The following PATL2 variants were observed in gnomAD, a reference collection of about 807,000 sequenced individuals.
PATL2 encodes PAT1 homolog 2.
A neutral mutation model predicts 77.0 loss-of-function variants in PATL2; 73 were observed. The ratio of observed to expected loss-of-function variants is 0.95; its 90% confidence interval spans 0.78 to 1.15. The LOEUF is 1.15. Among genes scored for constraint, PATL2 ranks in the 50% most tolerant of loss-of-function variants. The probability of loss-of-function intolerance (pLI) is 0.00; values close to 1 mark genes in which losing one functional copy is unlikely to be tolerated. For synonymous variants in PATL2, 265 were observed against 257.1 expected (o/e 1.03, Z -0.29); for missense variants, 618 against 655.4 (o/e 0.94, Z 0.62).
At chr15:44,691,391 C>T (rs1270152951) in intron 3 of PATL2, among the ~76,000 whole-genome samples, 2 of 152,176 alleles carry the variant, frequency 1.3e-5, no homozygotes, top group African/African-American at 4.8e-5. Flanking sequence ...GGCATGGTGG[C>T]TCATGCCTGT....
chr15:44,695,784 G>A (rs1595985215), intron 3 of PATL2, among the ~76,000 whole-genome samples: 1 of 152,202 alleles, frequency 6.6e-6, no homozygotes, highest in South Asian at 2.1e-4. Context: ...TGATGGATCT[G>A]TGGACACATC....
chr15:44,686,701 A>C (rs962045997), intron 3 of PATL2, among the ~76,000 whole-genome samples: 1 of 152,180 alleles, frequency 6.6e-6, no homozygotes, highest in Non-Finnish European at 1.5e-5. Context: ...AAATAGACAC[A>C]ATAAAAAATG....
intron 4 of PATL2, chr15:44,676,274 G>A (rs1339981553): frequency 1.7e-6 from 1 of 599,250 alleles, no homozygotes; most frequent in Non-Finnish European, 3.0e-6. Context: ...CTGGGTTGTT[G>A]TTGATAATTT....
At chr15:44,689,713 G>T (rs574647457) in intron 3 of PATL2, among the ~76,000 whole-genome samples, 2 of 152,204 alleles carry the variant, frequency 1.3e-5, no homozygotes, top group South Asian at 4.1e-4. Context: ...GCCTGTTGTG[G>T]GGTGGGGGAC....
In PATL2 at chr15:44,676,549, G is replaced by A; in HGVS notation, c.-59C>T. The stretch of plus-strand genomic sequence containing the variant: ...GTCCTCCAGTGAAACAGCATTGCCA[G>A]CCTCTGGAAGGTAAACCTGAGACAA... On this transcript the variant is annotated 5_prime_UTR_variant, in exon 4 of 18. Transcript: ENST00000682850. 6.4e-7 allele frequency: 1 copy of A among 1,550,756 alleles called. No homozygotes were observed. The highest frequency in any genetic ancestry group is 1.2e-5 in the South Asian group (1 of 84,038).
intron 3 of PATL2, 35 bp from the exon 4 acceptor site, chr15:44,676,600 C>A: frequency 6.7e-7 from 1 of 1,497,696 alleles, no homozygotes; most frequent in Non-Finnish European, 9.1e-7. Flanking sequence ...GCACCATCCT[C>A]AGTCAGTAAG....
Position 44,669,290 on chromosome 15 carries a change from TC to T in PATL2, c.1053del (p.Asn352ThrfsTer16), listed in dbSNP as rs1463242948. The T allele has an allele frequency of 6.5e-7, 1 of 1,550,208 alleles. No individual in the cohort carries two copies. The highest frequency in any genetic ancestry group is 1.4e-5 in the African/African-American group (1 of 73,026). ...KLFQTLKTQE[Q>X]NNLEEAADGF... Reference sequence around the variant, plus strand: ...CCCTCCCACACTCACTCCAGGTTGTTCTGCTCCTGGGTCTTTAAGGTCTGGA... The same window carrying T: ...CCCTCCCACACTCACTCCAGGTTGTTTGCTCCTGGGTCTTTAAGGTCTGGA... On this transcript the variant is annotated frameshift_variant, in exon 13 of 18. Coordinates refer to ENST00000682850, the MANE Select transcript of PATL2 (RefSeq NM_001387263.1). LOFTEE classifies it high-confidence loss of function.
chr15:44,708,921 T>C (rs142560119), intron 3 of PATL2, among the ~76,000 whole-genome samples: 1 of 152,314 alleles, frequency 6.6e-6, no homozygotes, highest in African/African-American at 2.4e-5. Context: ...CTTTTTGAGA[T>C]GAAGTCTTGC....
At chr15:44,682,015 G>C (rs1267536457) in intron 3 of PATL2, among the ~76,000 whole-genome samples, 2 of 152,230 alleles carry the variant, frequency 1.3e-5, no homozygotes, top group Non-Finnish European at 2.9e-5. Flanking sequence ...CTACACTGGA[G>C]ACCTCTCGCC....
At position 44,696,939 on chromosome 15, in the gene PATL2, G is replaced by A. The variant is rs114057799; in HGVS notation, c.-76+13157C>T. On this transcript the variant is annotated intron_variant, in intron 3 of 17. Coordinates refer to ENST00000682850, the MANE Select transcript of PATL2 (RefSeq NM_001387263.1). Reference sequence around the variant, plus strand: ...TTCCTTAGAAGTACTTACATTTGCCGCAAAGCCTGCACTTAACCAAAATTT... The same window carrying A: ...TTCCTTAGAAGTACTTACATTTGCCACAAAGCCTGCACTTAACCAAAATTT... Among the ~76,000 whole-genome samples the A allele has an allele frequency of 1.7e-3, 261 of 152,188 alleles. 2 individuals are homozygous for A. The highest frequency in any genetic ancestry group is 6.0e-3 in the African/African-American group (251 of 41,524).
At chr15:44,699,515 T>C (rs2086582993) in intron 3 of PATL2, among the ~76,000 whole-genome samples, 1 of 152,098 alleles carries the variant, frequency 6.6e-6, no homozygotes, top group Admixed American at 6.6e-5. Flanking sequence ...ATTTTTTGTA[T>C]TTTTAGTAGA....
chr15:44,665,910 G>C lies in PATL2; in HGVS notation c.*43C>G. ...AACATAGTCTATGTAGCTAGTGTCT[G>C]ATGATTCAACTTCCCACATACACGT... On this transcript the variant is annotated 3_prime_UTR_variant, in exon 18 of 18. Transcript: ENST00000682850. The C allele has an allele frequency of 6.4e-7, 1 of 1,550,646 alleles. No individual in the cohort carries two copies. Among genetic ancestry groups the C allele is most frequent in the Non-Finnish European group, 8.7e-7 (1 of 1,146,534 alleles).
chr15:44,670,809 T>A (rs1321892985), intron 9 of PATL2, among the ~76,000 whole-genome samples: 1 of 152,258 alleles, frequency 6.6e-6, no homozygotes, highest in Non-Finnish European at 1.5e-5. Flanking sequence ...TGATCTCACC[T>A]GTGCTTTCTA....
intron 3 of PATL2, among the ~76,000 whole-genome samples, chr15:44,702,320 T>A (rs555838869): frequency 2.6e-5 from 4 of 152,216 alleles, no homozygotes; most frequent in Admixed American, 2.6e-4. Flanking sequence ...ATTTCTTTGA[T>A]ATTGGTTGTA....
intron 3 of PATL2, among the ~76,000 whole-genome samples, chr15:44,687,917 G>C (rs986587059): frequency 1.3e-5 from 2 of 152,126 alleles, no homozygotes; most frequent in African/African-American, 4.8e-5. Context: ...CAAAGAAGTG[G>C]AAAATCATTC....
Position 44,675,482 on chromosome 15 carries a change from G to A in PATL2, c.222+4C>T. On this transcript the variant is annotated splice_donor_region_variant and intron_variant, in intron 5 of 17. Transcript: ENST00000682850. The stretch of plus-strand genomic sequence containing the variant: ...CCCTCTCCCATTCCCTTCTGCCATG[G>A]TACCTGGGTGTTGTGGACAGCACCA... The A allele has an allele frequency of 6.4e-7, 1 of 1,550,504 alleles. No homozygotes were observed. The highest frequency in any genetic ancestry group is 8.7e-7 in the Non-Finnish European group (1 of 1,146,294).
chr15:44,686,052 G>C (rs1473856996), intron 3 of PATL2, among the ~76,000 whole-genome samples: 1 of 152,128 alleles, frequency 6.6e-6, no homozygotes, highest in Non-Finnish European at 1.5e-5. Flanking sequence ...TCTGGACCAA[G>C]TGGACCTAAT....
At chr15:44,674,850 T>C (rs1351136314) in intron 5 of PATL2, 1 of 152,186 alleles carries the variant, frequency 6.6e-6, no homozygotes, top group Non-Finnish European at 1.5e-5. Flanking sequence ...ATTACAGACA[T>C]AAGCCACTGC....
intron 3 of PATL2, among the ~76,000 whole-genome samples, chr15:44,684,673 T>G (rs1462024308): frequency 1.3e-5 from 2 of 152,148 alleles, no homozygotes; most frequent in African/African-American, 4.8e-5. Context: ...AAAACACTCT[T>G]CAGGATATTA....
Sources: gnomAD v4.1 joint callset for allele counts (sites outside exome capture counted in the v4.1 genomes callset) on GRCh38, gnomAD v4.1.1 for gene constraint, MANE v1.5 for transcripts, NCBI Gene and HGNC (gene_info 2026-07-23, HGNC 2026-07-21) for gene names.